The following ANP32A variants were observed in gnomAD, a reference collection of about 807,000 sequenced individuals.
The protein encoded by ANP32A is acidic leucine-rich nuclear phosphoprotein 32 family member A.
ANP32A carries 1 observed loss-of-function variant against 33.9 expected under a neutral mutation model. The ratio of observed to expected loss-of-function variants is 0.03; its 90% CI spans 0.01 to 0.14. The LOEUF (loss-of-function observed/expected upper bound fraction) is 0.14. ANP32A is among the 10% of genes least tolerant of loss of function. ANP32A has a pLI of 1.00. For missense variants in ANP32A, 155 were observed against 306.0 expected, an observed-to-expected ratio of 0.51 and a Z score of 3.68; for synonymous variants, 115 against 120.5, an observed-to-expected ratio of 0.95 and a Z score of 0.30.
At chr15:68,781,468 C>T (rs1381713820) in intron 5 of ANP32A, 1 of 151,122 alleles carries the variant, frequency 6.6e-6, no homozygotes, top group African/African-American at 2.4e-5. Context: ...AACTTACTGC[C>T]CTGTTCTAGG....
intron 1 of ANP32A, among the ~76,000 whole-genome samples, chr15:68,815,310 A>G (rs1894365503): frequency 6.6e-6 from 1 of 152,250 alleles, no homozygotes; most frequent in Non-Finnish European, 1.5e-5. Flanking sequence ...TCAAGAGCCA[A>G]AATTAAGAAC....
Position 68,779,917 on chromosome 15 carries a change from TC to T in ANP32A, c.*163del. The T allele has an allele frequency of 5.5e-6, 1 of 183,278 alleles. No homozygotes were observed. Among genetic ancestry groups the T allele is most frequent in the South Asian group, 6.1e-5 (1 of 16,440 alleles). 11.4% of individuals were successfully genotyped at this position (183,278 alleles called of 1,614,324 possible). On this transcript the variant is annotated 3_prime_UTR_variant, in exon 7 of 7. Coordinates refer to ENST00000465139, the MANE Select transcript of ANP32A (RefSeq NM_006305.4). Reference sequence around the variant, plus strand: ...TTATTCCACCCCCACCCGCCATCCCTCCCCCCGCAACCCCCAGTACACTCTT... The same window carrying T: ...TTATTCCACCCCCACCCGCCATCCCTCCCCCGCAACCCCCAGTACACTCTT...
At chr15:68,805,035 A>G (rs1348018886) in intron 1 of ANP32A, among the ~76,000 whole-genome samples, 1 of 151,872 alleles carries the variant, frequency 6.6e-6, no homozygotes, top group Non-Finnish European at 1.5e-5. Context: ...TGTATTTGTG[A>G]CCTCTGATTT....
chr15:68,796,789 T>C (rs1338328581), intron 1 of ANP32A, among the ~76,000 whole-genome samples: 1 of 152,216 alleles, frequency 6.6e-6, no homozygotes, highest in African/African-American at 2.4e-5. Flanking sequence ...ACTACCACTC[T>C]CTGGGCTTCT....
At chr15:68,809,232 T>C (rs577252079) in intron 1 of ANP32A, among the ~76,000 whole-genome samples, 4 of 152,274 alleles carry the variant, frequency 2.6e-5, no homozygotes, top group African/African-American at 7.2e-5. Flanking sequence ...AGCTAGCTTA[T>C]TGTATTAAAG....
intron 1 of ANP32A, among the ~76,000 whole-genome samples, chr15:68,819,058 G>T (rs1204554219): frequency 6.6e-6 from 1 of 152,342 alleles, no homozygotes; most frequent in South Asian, 2.1e-4. Context: ...AGACAAAAAG[G>T]ATCTTGTTTT....
chr15:68,818,702 C>T (rs748805209), intron 1 of ANP32A, among the ~76,000 whole-genome samples: 1 of 152,074 alleles, frequency 6.6e-6, no homozygotes. Context: ...CAGCGTCGGT[C>T]GGGTTCGCCA....
intron 1 of ANP32A, among the ~76,000 whole-genome samples, chr15:68,807,382 C>T (rs1010389470): frequency 1.3e-5 from 2 of 149,712 alleles, no homozygotes; most frequent in African/African-American, 4.9e-5. Flanking sequence ...CAAGGGGATG[C>T]CTGCAGCTTG....
intron 1 of ANP32A, 140 bp from the exon 2 acceptor site, chr15:68,788,059 A>G (rs925834027): frequency 2.7e-6 from 3 of 1,100,016 alleles, no homozygotes; most frequent in African/African-American, 3.1e-5. Context: ...AGCTTTCCGG[A>G]TCACTGTGCT....
intron 1 of ANP32A, among the ~76,000 whole-genome samples, chr15:68,797,213 T>C (rs551877392): frequency 6.6e-6 from 1 of 152,244 alleles, no homozygotes; most frequent in South Asian, 2.1e-4. Context: ...GAGTCCAGCA[T>C]TGTCCCATCT....
chr15:68,813,395 T>C (rs1894337959), intron 1 of ANP32A, among the ~76,000 whole-genome samples: 2 of 152,248 alleles, frequency 1.3e-5, no homozygotes, highest in African/African-American at 2.4e-5. Flanking sequence ...ACAAATTTTA[T>C]TAAATGAGAA....
rs374816952 is a variant in ANP32A, at chr15:68,780,011, G to T, written c.*70C>A. On this transcript the variant is annotated 3_prime_UTR_variant, in exon 7 of 7. Coordinates refer to ENST00000465139, the MANE Select transcript of ANP32A (RefSeq NM_006305.4). The surrounding 1 kb of genome is among the most constrained non-coding windows in gnomAD (Gnocchi z 4.3). The stretch of plus-strand genomic sequence containing the variant: ...AGTTTCAGGGGGCAGGATTGGAGGG[G>T]GGGGGGAGAGGGGATATGGGTAAAA... The T allele has an allele frequency of 4.2e-3, 5,959 of 1,412,514 alleles. 49 individuals carry two copies. Among genetic ancestry groups the T allele is most frequent in the South Asian group, 0.011 (886 of 82,322 alleles). 87.5% of individuals were successfully genotyped at this position (1,412,514 alleles called of 1,614,324 possible).
At chr15:68,818,032 G>A (rs972920544) in intron 1 of ANP32A, among the ~76,000 whole-genome samples, 1 of 152,078 alleles carries the variant, frequency 6.6e-6, no homozygotes, top group Non-Finnish European at 1.5e-5. Flanking sequence ...GGGCCTAGCC[G>A]TTAAAAAAAA....
At chr15:68,798,581 T>C (rs1221415871) in intron 1 of ANP32A, among the ~76,000 whole-genome samples, 2 of 152,142 alleles carry the variant, frequency 1.3e-5, no homozygotes, top group African/African-American at 4.8e-5. Context: ...AATCGAACCT[T>C]AGGCCATTCT....
intron 2 of ANP32A, 95 bp downstream of exon 2, chr15:68,787,675 G>T (rs538468460): frequency 2.5e-6 from 4 of 1,593,368 alleles, no homozygotes; most frequent in Non-Finnish European, 2.6e-6. Context: ...GCAAGCACCC[G>T]GCTTTCCCTT....
At chr15:68,805,794 T>A (rs1894212041) in intron 1 of ANP32A, among the ~76,000 whole-genome samples, 1 of 152,178 alleles carries the variant, frequency 6.6e-6, no homozygotes, top group Admixed American at 6.5e-5. Flanking sequence ...CCATCTCCTT[T>A]AACGCAGCCT....
chr15:68,799,676 G>C (rs530139791), intron 1 of ANP32A, among the ~76,000 whole-genome samples: 1 of 152,144 alleles, frequency 6.6e-6, no homozygotes, highest in African/African-American at 2.4e-5. Flanking sequence ...GGATGGACCA[G>C]GGCTCCTTGG....
chr15:68,816,112 G>A (rs1409928751), intron 1 of ANP32A, among the ~76,000 whole-genome samples: 1 of 152,156 alleles, frequency 6.6e-6, no homozygotes, highest in Non-Finnish European at 1.5e-5. Flanking sequence ...CCCTGGTCCT[G>A]AACCTCCTGG....
intron 1 of ANP32A, among the ~76,000 whole-genome samples, chr15:68,818,758 G>C (rs1374558121): frequency 2.7e-5 from 4 of 150,582 alleles, no homozygotes; most frequent in Non-Finnish European, 5.9e-5. Flanking sequence ...CCGGCCCCGC[G>C]CTTGGCGCCC....
Sources: allele counts gnomAD v4.1 joint callset (sites outside exome capture counted in the v4.1 genomes callset), GRCh38; gene constraint gnomAD v4.1.1; non-coding constraint Gnocchi (gnomAD v3.1); transcripts MANE v1.5; gene names NCBI Gene and HGNC (gene_info 2026-07-23, HGNC 2026-07-21).